FTO: variants seen among roughly 807,000 people sequenced by gnomAD.
FTO encodes FTO alpha-ketoglutarate dependent dioxygenase, also known as alpha-ketoglutarate-dependent dioxygenase FTO.
In FTO, 47 loss-of-function variants were observed where a neutral mutation model predicts 63.9. The ratio of observed to expected loss-of-function variants is 0.74; its 90% CI spans 0.58 to 0.94. The LOEUF is 0.94. Among genes scored for constraint, FTO ranks in the 40% least tolerant of loss-of-function variants. The probability of loss-of-function intolerance (pLI) is 0.00; values close to 1 mark genes in which losing one functional copy is unlikely to be tolerated. For missense variants in FTO, 562 were observed against 618.1 expected, an observed-to-expected ratio of 0.91 and a Z score of 0.96; for synonymous variants, 207 against 224.4, an observed-to-expected ratio of 0.92 and a Z score of 0.69.
At chr16:54,004,403 A>C (rs1198322304) in intron 8 of FTO, among the ~76,000 whole-genome samples, 6 of 152,048 alleles carry the variant, frequency 3.9e-5, no homozygotes, top group Admixed American at 3.9e-4. Context: ...TAAATAAATA[A>C]ATAAATAAAT....
At chr16:53,882,678 C>T (rs1326068162) in intron 6 of FTO, among the ~76,000 whole-genome samples, 2 of 152,172 alleles carry the variant, frequency 1.3e-5, no homozygotes, top group African/African-American at 4.8e-5. Context: ...TGTATAGGTC[C>T]TTGGAGGCCC....
intron 8 of FTO, chr16:54,008,513 C>T (rs2084262587): frequency 1.3e-5 from 2 of 151,804 alleles, no homozygotes; most frequent in African/African-American, 2.4e-5. Context: ...GCAATGAAAA[C>T]TGCAGGTGAT....
chr16:53,992,594 T>C (rs886247928), intron 8 of FTO: 10 of 152,154 alleles, frequency 6.6e-5, no homozygotes, highest in African/African-American at 2.4e-4. Context: ...GCGTCCTGCC[T>C]AGCTTATCAC....
At chr16:53,975,668 CAA>C (rs11388323) in intron 8 of FTO, among the ~76,000 whole-genome samples, 1 of 147,590 alleles carries the variant, frequency 6.8e-6, no homozygotes, top group South Asian at 2.2e-4. Context: ...CTACAGTCCT[CAA>C]AAAAAAAAGA....
Position 53,879,819 on chromosome 16 carries a change from G to A in FTO, c.976-25G>A, listed in dbSNP as rs560347405. ...GTAAACTTAGATTTTGCCCATAATT[G>A]TGATTGCTGGTTCTGTCTCAACAGT... On this transcript the variant is annotated intron_variant, in intron 5 of 8. Coordinates refer to ENST00000471389, the MANE Select transcript of FTO (RefSeq NM_001080432.3). 1.2e-5 allele frequency: 20 copies of A among 1,612,570 alleles called. No homozygotes were observed. The East Asian group carries it at 3.6e-4, about 29-fold the overall frequency.
chr16:54,017,693 C>G (rs2084485924), intron 8 of FTO, among the ~76,000 whole-genome samples: 1 of 152,022 alleles, frequency 6.6e-6, no homozygotes, highest in Non-Finnish European at 1.5e-5. Context: ...GAATAATCAT[C>G]TCCTTTTAAA....
At chr16:53,846,277 T>G (rs2079618203) in intron 4 of FTO, among the ~76,000 whole-genome samples, 1 of 152,198 alleles carries the variant, frequency 6.6e-6, no homozygotes, top group Non-Finnish European at 1.5e-5. Context: ...TAAGTTTATT[T>G]TTTAAAGTCC....
At chr16:53,847,687 G>C (rs1261168195) in intron 4 of FTO, among the ~76,000 whole-genome samples, 2 of 151,490 alleles carry the variant, frequency 1.3e-5, no homozygotes, top group African/African-American at 2.4e-5. Flanking sequence ...AGAACTACTT[G>C]AACCCGGGAG....
At chr16:53,990,665 A>C (rs1017219995) in intron 8 of FTO, among the ~76,000 whole-genome samples, 2 of 149,846 alleles carry the variant, frequency 1.3e-5, no homozygotes, top group Non-Finnish European at 3.0e-5. Context: ...TTTTTATTTT[A>C]TTTTATTTTA....
In FTO at chr16:54,069,537, A is replaced by T. The variant is rs537109733; in HGVS notation, c.1365-42225A>T. ...CAATAGAGAATCTATACCAAGAGTG[A>T]TTATATCTGAGCAGTAGAATTGCAG... On this transcript the variant is annotated intron_variant, in intron 8 of 8. Coordinates refer to ENST00000471389, the MANE Select transcript of FTO (RefSeq NM_001080432.3). 3.9e-5 allele frequency among the ~76,000 whole-genome samples: 6 copies of T among 152,308 alleles called. No homozygotes were observed. In the East Asian group the frequency reaches 1.2e-3, roughly 29 times the overall value.
intron 1 of FTO, among the ~76,000 whole-genome samples, chr16:53,734,625 C>T (rs1297372228): frequency 1.3e-5 from 2 of 152,244 alleles, no homozygotes; most frequent in African/African-American, 4.8e-5. Flanking sequence ...ACTTTTCCCA[C>T]ATCATAAGCT....
rs374359653 is a variant in FTO, at chr16:53,761,796, G to C, written c.46-48344G>C. On this transcript the variant is annotated intron_variant, in intron 1 of 8. Transcript: ENST00000471389. ...TCTGTGAACCTAGGGAGATATCTTA[G>C]TCTGCTCATTGATTACCTTACGGCT... Among the ~76,000 whole-genome samples the C allele has an allele frequency of 7.2e-5, 11 of 152,242 alleles. No individual in the cohort carries two copies. The East Asian group carries it at 2.1e-3, about 29-fold the overall frequency.
intron 8 of FTO, among the ~76,000 whole-genome samples, chr16:53,952,475 G>C (rs888045245): frequency 6.6e-6 from 1 of 152,156 alleles, no homozygotes; most frequent in Non-Finnish European, 1.5e-5. Flanking sequence ...ATGTGTACTA[G>C]AGCAGATGAC....
intron 8 of FTO, among the ~76,000 whole-genome samples, chr16:53,948,504 A>G (rs2082700679): frequency 6.6e-6 from 1 of 152,202 alleles, no homozygotes; most frequent in Non-Finnish European, 1.5e-5. Flanking sequence ...TTACAAGGTC[A>G]CAGAGGCAAT....
intron 2 of FTO, among the ~76,000 whole-genome samples, chr16:53,811,592 A>G (rs958946552): frequency 1.3e-5 from 2 of 152,034 alleles, no homozygotes; most frequent in African/African-American, 4.8e-5. Context: ...CCTTGAAGCT[A>G]TAGTATTTTC....
intron 1 of FTO, among the ~76,000 whole-genome samples, chr16:53,719,376 C>A (rs914939138): frequency 6.6e-6 from 1 of 151,302 alleles, no homozygotes; most frequent in Non-Finnish European, 1.5e-5. Flanking sequence ...GGATTACAGG[C>A]GTGCACCACC....
At chr16:53,940,752 T>C (rs1190752365) in intron 8 of FTO, among the ~76,000 whole-genome samples, 1 of 152,232 alleles carries the variant, frequency 6.6e-6, no homozygotes, top group Non-Finnish European at 1.5e-5. Flanking sequence ...TTGCTTCTAC[T>C]TAAAAGTGAC....
At chr16:53,721,357 T>C (rs184914338) in intron 1 of FTO, among the ~76,000 whole-genome samples, 1 of 152,340 alleles carries the variant, frequency 6.6e-6, no homozygotes, top group African/African-American at 2.4e-5. Flanking sequence ...TTGATTTAGA[T>C]TGATAACAAA....
chr16:54,061,877 G>A (rs150956933), intron 8 of FTO, among the ~76,000 whole-genome samples: 2,467 of 152,252 alleles, frequency 0.016, 78 homozygotes, highest in African/African-American at 0.056. Flanking sequence ...GTCACTTTGG[G>A]CAGGCCAGTG....
Sources: gnomAD v4.1 joint callset for allele counts (sites outside exome capture counted in the v4.1 genomes callset) on GRCh38, gnomAD v4.1.1 for gene constraint, MANE v1.5 for transcripts, NCBI Gene and HGNC (gene_info 2026-07-23, HGNC 2026-07-21) for gene names.